CDC42SE2: variants seen among roughly 807,000 people sequenced by gnomAD.
The protein encoded by CDC42SE2 is CDC42 small effector 2, also known as CDC42 small effector protein 2.
In CDC42SE2, 3 loss-of-function variants were observed where a neutral mutation model predicts 11.5. That is an observed-to-expected ratio of 0.26 (90% CI 0.12 to 0.67). The LOEUF is 0.67. Ranked by LOEUF, CDC42SE2 falls within the 30% of genes least tolerant of loss-of-function variation. The probability of loss-of-function intolerance (pLI) is 0.80; values close to 1 mark genes in which losing one functional copy is unlikely to be tolerated. For synonymous variants in CDC42SE2, 33 were observed against 34.8 expected, an observed-to-expected ratio of 0.95 and a Z score of 0.18; for missense variants, 82 against 106.8, an observed-to-expected ratio of 0.77 and a Z score of 1.02.
chr5:131,261,227 T>G (rs1394763232), upstream of CDC42SE2: 2 of 152,260 alleles, frequency 1.3e-5, no homozygotes, highest in African/African-American at 4.8e-5. Flanking sequence ...TGTGAATAAA[T>G]TATGAAGAGT....
chr5:131,296,304 C>G (rs1033850278), intron 1 of CDC42SE2, among the ~76,000 whole-genome samples: 1 of 152,042 alleles, frequency 6.6e-6, no homozygotes, highest in Non-Finnish European at 1.5e-5. Flanking sequence ...TTTTTTTGCT[C>G]TCCTCATCAA....
chr5:131,391,244 T>A lies in CDC42SE2; in HGVS notation c.*153T>A. ...GCAAAATTACTCAGCTAAGTGTAGT[T>A]TCTGCACTTGGAATGTAAGTTTTAG... On this transcript the variant is annotated 3_prime_UTR_variant, in exon 5 of 5. Coordinates refer to ENST00000505065, the MANE Select transcript of CDC42SE2 (RefSeq NM_001375635.1). 3.3e-6 allele frequency: 1 copy of A among 300,428 alleles called. No homozygotes were observed. Among genetic ancestry groups the A allele is most frequent in the Non-Finnish European group, 6.1e-6 (1 of 165,092 alleles). 18.6% of individuals were successfully genotyped at this position (300,428 alleles called of 1,614,324 possible).
intron 2 of CDC42SE2, among the ~76,000 whole-genome samples, chr5:131,322,687 G>T (rs1468632088): frequency 1.3e-5 from 2 of 152,028 alleles, no homozygotes; most frequent in Non-Finnish European, 2.9e-5. Flanking sequence ...TTGTTTATCT[G>T]TTCTTCTGTT....
intron 4 of CDC42SE2, among the ~76,000 whole-genome samples, chr5:131,389,845 G>A (rs1241567751): frequency 6.6e-6 from 1 of 152,084 alleles, no homozygotes; most frequent in Non-Finnish European, 1.5e-5. Flanking sequence ...CCACTAGTTA[G>A]GCCATCACCT....
chr5:131,301,382 C>T (rs1266782446), intron 1 of CDC42SE2, among the ~76,000 whole-genome samples: 1 of 152,030 alleles, frequency 6.6e-6, no homozygotes, highest in African/African-American at 2.4e-5. Flanking sequence ...GGTGGGTATG[C>T]CAATTACCCC....
At chr5:131,263,906 G>A (rs189161501), upstream of CDC42SE2, 7,360 of 152,222 alleles carry the variant, frequency 0.048, 444 homozygotes, top group Admixed American at 0.17. Context: ...CGGAGGTACG[G>A]CGGGGGCGGG....
At chr5:131,379,593 T>C in intron 3 of CDC42SE2, among the ~76,000 whole-genome samples, 1 of 152,208 alleles carries the variant, frequency 6.6e-6, no homozygotes, top group Non-Finnish European at 1.5e-5. Context: ...TTTAGTTCAT[T>C]ATCTTTAATA....
At chr5:131,266,766 A>G (rs1352916155) in intron 1 of CDC42SE2, among the ~76,000 whole-genome samples, 1 of 152,020 alleles carries the variant, frequency 6.6e-6, no homozygotes, top group Non-Finnish European at 1.5e-5. Context: ...AAATAAGGAA[A>G]GTAATTCTTC....
the CDC42SE2 span, among the ~76,000 whole-genome samples, chr5:131,213,351 A>G: frequency 1.3e-5 from 2 of 152,296 alleles, no homozygotes; most frequent in South Asian, 2.1e-4. Context: ...AATCTCATAC[A>G]TAATTTTGTT....
chr5:131,357,514 G>C (rs1749585500), intron 2 of CDC42SE2, among the ~76,000 whole-genome samples: 1 of 152,154 alleles, frequency 6.6e-6, no homozygotes, highest in Non-Finnish European at 1.5e-5. Context: ...TTCACTTAAT[G>C]TTCAGGACTC....
intron 2 of CDC42SE2, among the ~76,000 whole-genome samples, chr5:131,336,207 T>A (rs928332977): frequency 6.6e-6 from 1 of 152,236 alleles, no homozygotes; most frequent in Non-Finnish European, 1.5e-5. Context: ...GTAAAGGATT[T>A]TATTTCTCCT....
At chr5:131,295,497 T>C (rs893912937) in intron 1 of CDC42SE2, among the ~76,000 whole-genome samples, 1 of 152,032 alleles carries the variant, frequency 6.6e-6, no homozygotes, top group African/African-American at 2.4e-5. Flanking sequence ...ACATGTGAAG[T>C]GGTTAACAAA....
At chr5:131,355,477 C>CA (rs529086111) in intron 2 of CDC42SE2, among the ~76,000 whole-genome samples, 47 of 147,764 alleles carry the variant, frequency 3.2e-4, no homozygotes, top group African/African-American at 9.5e-4. Flanking sequence ...AACTCTGTCT[C>CA]AAAAAAAAGA....
chr5:131,307,577 T>C (rs1757806315), intron 1 of CDC42SE2, among the ~76,000 whole-genome samples: 1 of 152,212 alleles, frequency 6.6e-6, no homozygotes, highest in Non-Finnish European at 1.5e-5. Flanking sequence ...TTTGGGTATA[T>C]ACCCAGTAAT....
At chr5:131,224,903 G>A in the CDC42SE2 span, among the ~76,000 whole-genome samples, 1 of 151,784 alleles carries the variant, frequency 6.6e-6, no homozygotes, top group African/African-American at 2.4e-5. Flanking sequence ...TAGAGTGAAG[G>A]CATCAGGCCA....
At chr5:131,258,631 C>G (rs892399166) in intron 2 of CDC42SE2, among the ~76,000 whole-genome samples, 6 of 152,164 alleles carry the variant, frequency 3.9e-5, no homozygotes, top group African/African-American at 1.4e-4. Context: ...CACTTCCCAT[C>G]CCCAGTGAAG....
chr5:131,332,786 A>AT (rs1240697001), intron 2 of CDC42SE2, among the ~76,000 whole-genome samples: 2 of 152,126 alleles, frequency 1.3e-5, no homozygotes, highest in African/African-American at 4.8e-5. Context: ...GTGTCTGTTC[A>AT]TATCCTTTGC....
chr5:131,288,017 G>A (rs1757376250), intron 1 of CDC42SE2, among the ~76,000 whole-genome samples: 1 of 152,136 alleles, frequency 6.6e-6, no homozygotes, highest in Non-Finnish European at 1.5e-5. Flanking sequence ...ACGGAGGCAG[G>A]TGGATCGCAT....
chr5:131,342,367 A>G (rs1196464861), intron 2 of CDC42SE2, among the ~76,000 whole-genome samples: 2 of 144,214 alleles, frequency 1.4e-5, no homozygotes, highest in South Asian at 2.1e-4. Flanking sequence ...CACAGGTCAG[A>G]GATTTGCCAT....
Sources: gnomAD v4.1 joint callset for allele counts (sites outside exome capture counted in the v4.1 genomes callset) on GRCh38, gnomAD v4.1.1 for gene constraint, MANE v1.5 for transcripts, NCBI Gene and HGNC (gene_info 2026-07-23, HGNC 2026-07-21) for gene names.